Variants in CEP170 observed in about 807,000 individuals in gnomAD.
CEP170 encodes the protein centrosomal protein of 170 kDa.
CEP170 carries 21 observed loss-of-function variants against 151.9 expected under a neutral mutation model. That is an observed-to-expected ratio of 0.14 (90% CI 0.10 to 0.20). The LOEUF (loss-of-function observed/expected upper bound fraction) is 0.20. Among genes scored for constraint, CEP170 ranks in the 10% least tolerant of loss-of-function variants. CEP170 has a pLI of 1.00. For synonymous variants in CEP170, 356 were observed against 648.8 expected (o/e 0.55, Z 6.86); for missense variants, 964 against 1,892.9 (o/e 0.51, Z 9.11).
chr1:243,190,973 T>G, intron 8 of CEP170, 45 bp downstream of exon 8: 1 of 1,468,776 alleles, frequency 6.8e-7, no homozygotes, highest in Non-Finnish European at 9.0e-7. Context: ...GACCAGATTT[T>G]CTTTATCGTA....
chr1:243,228,681 C>T (rs2063488631), intron 1 of CEP170, among the ~76,000 whole-genome samples: 1 of 152,122 alleles, frequency 6.6e-6, no homozygotes, highest in South Asian at 2.1e-4. Flanking sequence ...AGCCTACATA[C>T]AGTAAACTAA....
At chr1:243,144,347 CAT>C (rs1384105155) in intron 14 of CEP170, among the ~76,000 whole-genome samples, 1 of 152,186 alleles carries the variant, frequency 6.6e-6, no homozygotes, top group Non-Finnish European at 1.5e-5. Flanking sequence ...CAAGGTCACA[CAT>C]AGTTAAGTGC....
At chr1:243,163,920 A>G (rs1383867742) in intron 13 of CEP170, among the ~76,000 whole-genome samples, 1 of 152,238 alleles carries the variant, frequency 6.6e-6, no homozygotes, top group African/African-American at 2.4e-5. Flanking sequence ...TAGAAGCACA[A>G]TGTTAATTCC....
rs2053632906 is a variant in CEP170, at chr1:243,125,582, C to T, written c.*867G>A. 2.0e-5 allele frequency: 3 copies of T among 153,138 alleles called. No individual in the cohort carries two copies. The highest frequency in any genetic ancestry group is 1.5e-5 in the Non-Finnish European group (1 of 68,580). The allele number at this position is 153,138 out of a possible 1,614,324, so 9.5% of individuals were successfully genotyped here. A position where few individuals can be genotyped will look rare whatever the true frequency, so the allele number is the denominator to read the frequency against. ...TTCTGAGTTTTAAAAATATACTCCA[C>T]CTAAACTATCTGTCTAGTTTAATCT... On this transcript the variant is annotated 3_prime_UTR_variant, in exon 20 of 20. Coordinates refer to ENST00000366542, the MANE Select transcript of CEP170 (RefSeq NM_014812.3).
intron 1 of CEP170, among the ~76,000 whole-genome samples, chr1:243,242,172 C>T (rs540353799): frequency 3.7e-4 from 57 of 152,216 alleles, no homozygotes; most frequent in Non-Finnish European, 7.2e-4. Context: ...AATTTGGAAT[C>T]GACCCAATAT....
At position 243,254,670 on chromosome 1, in the gene CEP170, A is replaced by T. The variant is rs893804278; in HGVS notation, c.-42+370T>A. ...CACCCCTCGCAAACTGCTACGGCGG[A>T]GGGGGGAGGGCTGCACAAAGCCAGT... On this transcript the variant is annotated intron_variant, in intron 1 of 19. Transcript: ENST00000366542. 3.3e-5 allele frequency among the ~76,000 whole-genome samples: 5 copies of T among 151,826 alleles called. No individual in the cohort carries two copies. In the East Asian group the frequency reaches 9.7e-4, roughly 30 times the overall value.
intron 17 of CEP170, among the ~76,000 whole-genome samples, chr1:243,134,179 A>G (rs1039246779): frequency 2.0e-5 from 3 of 152,000 alleles, no homozygotes; most frequent in African/African-American, 7.2e-5. Context: ...TAGATAGCAG[A>G]AATAGCTAAC....
At chr1:243,148,714 T>C (rs921663378) in intron 14 of CEP170, among the ~76,000 whole-genome samples, 2 of 152,224 alleles carry the variant, frequency 1.3e-5, no homozygotes, top group African/African-American at 4.8e-5. Flanking sequence ...GATTAACTCA[T>C]ATATTTGACT....
intron 1 of CEP170, among the ~76,000 whole-genome samples, chr1:243,227,848 AAT>A (rs1409178956): frequency 6.6e-6 from 1 of 152,322 alleles, no homozygotes; most frequent in Admixed American, 6.5e-5. Context: ...GAGCTTTGAG[AAT>A]AGTTATCCTA....
chr1:243,159,503 C>T (rs2057864308), intron 13 of CEP170, among the ~76,000 whole-genome samples: 1 of 152,158 alleles, frequency 6.6e-6, no homozygotes, highest in South Asian at 2.1e-4. Context: ...AGAAAATTCC[C>T]TATCACCTGC....
intron 8 of CEP170, among the ~76,000 whole-genome samples, 161 bp downstream of exon 8, chr1:243,190,857 C>T (rs1253765976): frequency 6.6e-6 from 1 of 152,150 alleles, no homozygotes; most frequent in Non-Finnish European, 1.5e-5. Context: ...GGAAATTGGA[C>T]ATGGGCAGTG....
Position 243,165,442 on chromosome 1 carries a change from T to A in CEP170, c.2518A>T (p.Thr840Ser). 1 of 1,589,138 alleles carries A rather than the reference T, an allele frequency of 6.3e-7. No individual in the cohort carries two copies. Among genetic ancestry groups the A allele is most frequent in the Non-Finnish European group, 8.6e-7 (1 of 1,166,834 alleles). The change falls in exon 13 of 20, where the codon ACT becomes TCT. Residue 840 changes from threonine to serine, a missense_variant. Thr to Ser is a moderately conservative substitution (Grantham distance 58). Transcript: ENST00000366542. ...SKSLVRQGSFTIEKPSPNIPI... is the reference protein window; with the variant it reads ...SKSLVRQGSFSIEKPSPNIPI... ...ATGTTTGGGCTGGGTTTTTCTATAG[T>A]GAAGCTCCCTTGTCGCACTAATGAC...
intron 1 of CEP170, among the ~76,000 whole-genome samples, chr1:243,235,319 A>C (rs1024357415): frequency 6.6e-6 from 1 of 152,230 alleles, no homozygotes; most frequent in Non-Finnish European, 1.5e-5. Context: ...AACATATTCA[A>C]AAATTCAGCT....
intron 14 of CEP170, among the ~76,000 whole-genome samples, chr1:243,152,255 T>C (rs1274449292): frequency 6.6e-6 from 1 of 150,814 alleles, no homozygotes; most frequent in Non-Finnish European, 1.5e-5. Context: ...GGAGTCTCGC[T>C]CTGTCGCCCA....
At chr1:243,191,538 C>T (rs1409018438) in intron 7 of CEP170, 44 bp from the exon 8 acceptor site, 3 of 1,349,508 alleles carry the variant, frequency 2.2e-6, no homozygotes, top group Non-Finnish European at 2.0e-6. Flanking sequence ...TTGATTGCTT[C>T]TGGCACTTGA....
intron 1 of CEP170, among the ~76,000 whole-genome samples, chr1:243,232,115 A>G (rs531838331): frequency 6.6e-6 from 1 of 152,140 alleles, no homozygotes; most frequent in South Asian, 2.1e-4. Flanking sequence ...ACAGGTGTGC[A>G]GCACCACACC....
intron 1 of CEP170, among the ~76,000 whole-genome samples, chr1:243,242,572 G>A (rs987858351): frequency 2.6e-4 from 39 of 152,240 alleles, no homozygotes; most frequent in African/African-American, 7.5e-4. Context: ...GCTTCTGCCA[G>A]ATACCAAGCA....
chr1:243,170,934 A>G (rs2058797569), intron 11 of CEP170, among the ~76,000 whole-genome samples: 1 of 152,244 alleles, frequency 6.6e-6, no homozygotes, highest in Non-Finnish European at 1.5e-5. Context: ...GTGGTACCAG[A>G]GCCATGTGGA....
chr1:243,215,360 A>G (rs1052387106), intron 3 of CEP170, among the ~76,000 whole-genome samples: 4 of 152,224 alleles, frequency 2.6e-5, no homozygotes, highest in Non-Finnish European at 5.9e-5. Context: ...GAACAGAGCC[A>G]TATTTCTCTT....
Sources: allele counts gnomAD v4.1 joint callset (sites outside exome capture counted in the v4.1 genomes callset), GRCh38; gene constraint gnomAD v4.1.1; transcripts MANE v1.5; gene names NCBI Gene and HGNC (gene_info 2026-07-23, HGNC 2026-07-21).